SNX29: variants seen among roughly 807,000 people sequenced by gnomAD.
The protein encoded by SNX29 is sorting nexin 29, also known as sorting nexin-29.
In SNX29, 78 loss-of-function variants were observed where a neutral mutation model predicts 102.1. The observed-to-expected ratio is 0.76, with a 90% CI of 0.64 to 0.92. The LOEUF is 0.92. Ranked by LOEUF, SNX29 falls within the 40% of genes least tolerant of loss-of-function variation. The pLI is 0.00. For synonymous variants in SNX29, 580 were observed against 414.5 expected, an observed-to-expected ratio of 1.40 and a Z score of -4.85; for missense variants, 1,280 against 1,061.7, an observed-to-expected ratio of 1.21 and a Z score of -2.86.
chr16:12,534,744 C>G (rs1597790577), intron 20 of SNX29, among the ~76,000 whole-genome samples: 2 of 152,224 alleles, frequency 1.3e-5, no homozygotes, highest in African/African-American at 4.8e-5. Flanking sequence ...CCCTACTAAA[C>G]CCAAGTGGCT....
intron 13 of SNX29, among the ~76,000 whole-genome samples, chr16:12,177,010 C>G (rs1281336716): frequency 1.3e-5 from 2 of 152,058 alleles, no homozygotes; most frequent in Admixed American, 1.3e-4. Flanking sequence ...TGTAGTGGCT[C>G]AATCATAGCT....
At chr16:12,115,250 T>C (rs1366894795) in intron 11 of SNX29, among the ~76,000 whole-genome samples, 2 of 151,868 alleles carry the variant, frequency 1.3e-5, no homozygotes, top group Non-Finnish European at 2.9e-5. Flanking sequence ...GGGAATCCCA[T>C]CCTATCTGTG....
chr16:12,286,421 C>T (rs548092925), intron 15 of SNX29, among the ~76,000 whole-genome samples: 5 of 149,140 alleles, frequency 3.4e-5, no homozygotes, highest in East Asian at 2.0e-4. Context: ...TCTCGGTTCA[C>T]TGCAAGCTCT....
At chr16:12,501,136 C>G (rs1186491835) in intron 19 of SNX29, among the ~76,000 whole-genome samples, 1 of 152,184 alleles carries the variant, frequency 6.6e-6, no homozygotes, top group Non-Finnish European at 1.5e-5. Context: ...TTGTGTTCAA[C>G]TATAACCCCA....
At chr16:12,349,486 A>G (rs1450940274) in intron 15 of SNX29, among the ~76,000 whole-genome samples, 2 of 152,236 alleles carry the variant, frequency 1.3e-5, no homozygotes, top group Non-Finnish European at 2.9e-5. Context: ...CAAATTCAAA[A>G]TATTCCGGAA....
At chr16:12,538,120 A>AT (rs67769379) in intron 20 of SNX29, among the ~76,000 whole-genome samples, 1 of 151,716 alleles carries the variant, frequency 6.6e-6, no homozygotes, top group Admixed American at 6.6e-5. Flanking sequence ...TTCCCCTTGC[A>AT]TTTTTTTATT....
At chr16:12,122,333 C>T (rs2054008028) in intron 11 of SNX29, among the ~76,000 whole-genome samples, 1 of 152,102 alleles carries the variant, frequency 6.6e-6, no homozygotes, top group Non-Finnish European at 1.5e-5. Flanking sequence ...TCAGTAGGTA[C>T]CCTTGGTCTC....
Position 12,069,281 on chromosome 16 carries a change from T to A in SNX29, c.1319+149T>A, listed in dbSNP as rs915089178. ...TTTATGTTCAGATTTAGTCTTTTTT[T>A]TTGAGATGGAGCCCGGTTCTGTTGC... On this transcript the variant is annotated intron_variant, in intron 10 of 20. Coordinates refer to ENST00000566228, the MANE Select transcript of SNX29 (RefSeq NM_032167.5). 15 of 687,216 alleles carry A rather than the reference T, an allele frequency of 2.2e-5. No homozygotes were observed. The African/African-American group carries it at 2.8e-4, about 13-fold the overall frequency. 42.6% of individuals were successfully genotyped at this position (687,216 alleles called of 1,614,324 possible).
At chr16:12,304,326 G>A (rs956272084) in intron 15 of SNX29, among the ~76,000 whole-genome samples, 3 of 152,304 alleles carry the variant, frequency 2.0e-5, no homozygotes, top group East Asian at 1.9e-4. Flanking sequence ...AGGCTGGAGC[G>A]CAATGGCGAG....
intron 14 of SNX29, among the ~76,000 whole-genome samples, chr16:12,222,639 G>T (rs547417010): frequency 1.3e-5 from 2 of 152,222 alleles, no homozygotes; most frequent in Admixed American, 6.5e-5. Flanking sequence ...TGCAATCTTG[G>T]CTCCCTGCAA....
At chr16:12,530,175 A>G (rs1422074207) in intron 20 of SNX29, among the ~76,000 whole-genome samples, 1 of 152,214 alleles carries the variant, frequency 6.6e-6, no homozygotes, top group African/African-American at 2.4e-5. Context: ...CCACATAGAA[A>G]GTGCGGTGTT....
intron 14 of SNX29, among the ~76,000 whole-genome samples, chr16:12,261,108 G>A (rs2078738654): frequency 2.0e-5 from 3 of 148,900 alleles, no homozygotes; most frequent in African/African-American, 7.5e-5. Flanking sequence ...TGGGATCTGT[G>A]CATGAGTCCC....
intron 11 of SNX29, chr16:12,088,287 G>A (rs2052317597): frequency 2.8e-6 from 1 of 361,838 alleles, no homozygotes; most frequent in Admixed American, 3.6e-5. Flanking sequence ...GCAGGGGCGG[G>A]TGTTGGGTGG....
At chr16:12,001,086 G>C (rs2056269416) in intron 2 of SNX29, among the ~76,000 whole-genome samples, 1 of 152,164 alleles carries the variant, frequency 6.6e-6, no homozygotes, top group African/African-American at 2.4e-5. Context: ...CAGTTAGAGA[G>C]AAATAAAGTG....
chr16:12,552,162 A>T (rs1211822539), intron 20 of SNX29, among the ~76,000 whole-genome samples: 1 of 152,130 alleles, frequency 6.6e-6, no homozygotes, highest in Non-Finnish European at 1.5e-5. Context: ...AGCTTAATCT[A>T]CTAATCCTGC....
chr16:12,390,973 TCTCA>T (rs1013879757), intron 16 of SNX29, among the ~76,000 whole-genome samples: 2 of 151,714 alleles, frequency 1.3e-5, no homozygotes, highest in African/African-American at 4.8e-5. Context: ...CGAGATGGGG[TCTCA>T]CTCTGTCACC....
chr16:12,541,758 G>T (rs980458137), intron 20 of SNX29, among the ~76,000 whole-genome samples: 1 of 152,104 alleles, frequency 6.6e-6, no homozygotes, highest in African/African-American at 2.4e-5. Flanking sequence ...GCCAGTGCCT[G>T]ATACTGACCT....
intron 19 of SNX29, among the ~76,000 whole-genome samples, chr16:12,524,039 C>T (rs1225995965): frequency 6.6e-6 from 1 of 152,108 alleles, no homozygotes; most frequent in South Asian, 2.1e-4. Context: ...CGTGCCACTA[C>T]GCCTGGCTAA....
intron 18 of SNX29, among the ~76,000 whole-genome samples, chr16:12,416,292 C>T (rs6498296): frequency 6.6e-6 from 1 of 151,974 alleles, no homozygotes; most frequent in African/African-American, 2.4e-5. Context: ...GGGGCACCGC[C>T]CAGTCACTCA....
Sources: allele counts gnomAD v4.1 joint callset (sites outside exome capture counted in the v4.1 genomes callset), GRCh38; gene constraint gnomAD v4.1.1; transcripts MANE v1.5; gene names NCBI Gene and HGNC (gene_info 2026-07-23, HGNC 2026-07-21).